The following LRP1B variants were observed in gnomAD, a reference collection of about 807,000 sequenced individuals.
The protein encoded by LRP1B is low-density lipoprotein receptor-related protein 1B.
A neutral mutation model predicts 556.6 loss-of-function variants in LRP1B; 217 were observed. The observed-to-expected ratio is 0.39, with a 90% confidence interval of 0.35 to 0.44. The LOEUF (loss-of-function observed/expected upper bound fraction) is 0.44, where lower values mean the gene tolerates loss of function less well. Ranked by LOEUF, LRP1B falls within the 20% of genes least tolerant of loss-of-function variation. LRP1B has a pLI of 1.00. For missense variants in LRP1B, 5,053 were observed against 5,620.8 expected (o/e 0.90, Z 3.23); for synonymous variants, 2,047 against 1,865.8 (o/e 1.10, Z -2.50).
At chr2:140,847,862 TAGTG>T (rs1692322785) in intron 29 of LRP1B, among the ~76,000 whole-genome samples, 1 of 152,158 alleles carries the variant, frequency 6.6e-6, no homozygotes, top group Admixed American at 6.6e-5. Context: ...TATTAATTAT[TAGTG>T]AGAAAACATT....
At position 140,444,431 on chromosome 2, in the gene LRP1B, G is replaced by A. The variant is rs746647382; in HGVS notation, c.10193C>T (p.Ser3398Leu). 1 of 1,613,936 alleles carries A rather than the reference G, an allele frequency of 6.2e-7. No individual in the cohort carries two copies. The highest frequency in any genetic ancestry group is 1.7e-5 in the Admixed American group (1 of 60,014). ...GTTCTTGGTACATTTGAATTGACCT[G>A]ACAGGCAGACATGTGTGTCTAGAAC... ...ELNCDTHVCLSGQFKCTKNQK... is the reference protein window; with the variant it reads ...ELNCDTHVCLLGQFKCTKNQK... Residue 3398 changes from serine (S) to leucine (L), a missense_variant, in exon 65 of 91, where the codon TCA becomes TTA. Coordinates refer to ENST00000389484, the MANE Select transcript of LRP1B (RefSeq NM_018557.3).
chr2:141,383,556 T>C (rs558868639), intron 3 of LRP1B, among the ~76,000 whole-genome samples: 1 of 152,172 alleles, frequency 6.6e-6, no homozygotes, highest in Non-Finnish European at 1.5e-5. Context: ...CCATTGTAAG[T>C]AGAAAATATT....
At chr2:141,011,096 A>AGAGAGAGAGAGAGAGG (rs1329677257) in intron 14 of LRP1B, among the ~76,000 whole-genome samples, 4 of 149,980 alleles carry the variant, frequency 2.7e-5, no homozygotes, top group Non-Finnish European at 4.4e-5. Flanking sequence ...AGAGAGAGAG[A>AGAGAGAGAGAGAGAGG]GACTGTATGG....
At chr2:141,871,612 G>A (rs1472096313) in intron 1 of LRP1B, among the ~76,000 whole-genome samples, 1 of 151,980 alleles carries the variant, frequency 6.6e-6, no homozygotes, top group African/African-American at 2.4e-5. Flanking sequence ...AACAATCCCT[G>A]TGTTTGGCAC....
At chr2:140,886,089 T>C (rs2105191711) in intron 24 of LRP1B, 49 bp downstream of exon 24, 1 of 1,202,402 alleles carries the variant, frequency 8.3e-7, no homozygotes, top group Non-Finnish European at 1.2e-6. Flanking sequence ...CTTTGAATTT[T>C]CACTTAAAAA....
At chr2:140,876,369 G>A (rs1260026960) in intron 25 of LRP1B, among the ~76,000 whole-genome samples, 2 of 152,098 alleles carry the variant, frequency 1.3e-5, no homozygotes, top group Non-Finnish European at 2.9e-5. Context: ...GAAACTATTT[G>A]TGAGTATTGT....
intron 2 of LRP1B, among the ~76,000 whole-genome samples, chr2:141,665,312 C>T (rs1221543131): frequency 6.6e-6 from 1 of 152,010 alleles, no homozygotes; most frequent in Non-Finnish European, 1.5e-5. Context: ...TACATGCAGC[C>T]AATAAACATG....
chr2:140,533,688 C>T (rs1027200256), intron 47 of LRP1B, among the ~76,000 whole-genome samples: 8 of 151,996 alleles, frequency 5.3e-5, no homozygotes, highest in Non-Finnish European at 1.2e-4. Flanking sequence ...ATGAGTAAAA[C>T]AGAGAACTAA....
intron 35 of LRP1B, among the ~76,000 whole-genome samples, chr2:140,719,673 A>AC (rs1191468434): frequency 6.6e-6 from 1 of 152,052 alleles, no homozygotes; most frequent in East Asian, 1.9e-4. Flanking sequence ...AGTTTGTAAT[A>AC]CTGAAGCTAT....
intron 18 of LRP1B, among the ~76,000 whole-genome samples, chr2:140,978,647 A>G (rs1460544654): frequency 1.3e-5 from 2 of 152,200 alleles, no homozygotes; most frequent in South Asian, 2.1e-4. Flanking sequence ...TCTCTTGCAG[A>G]GATCTGTGCC....
chr2:141,045,107 C>G (rs937579322), intron 11 of LRP1B, among the ~76,000 whole-genome samples: 1 of 146,570 alleles, frequency 6.8e-6, no homozygotes, highest in African/African-American at 2.5e-5. Flanking sequence ...ATGATGAGTT[C>G]ATGTCCTTTG....
chr2:140,829,410 A>G (rs570631436), intron 31 of LRP1B, among the ~76,000 whole-genome samples: 46 of 152,364 alleles, frequency 3.0e-4, no homozygotes, highest in African/African-American at 1.1e-3. Context: ...CAAATTCAAA[A>G]AAGTCAAAAT....
Position 142,086,990 on chromosome 2 carries a change from T to C in LRP1B, c.82+43658A>G, listed in dbSNP as rs533671851. 2.8e-4 allele frequency among the ~76,000 whole-genome samples: 43 copies of C among 152,330 alleles called. 1 individual carries two copies. Among genetic ancestry groups the C allele is most frequent in the South Asian group, 2.5e-3 (12 of 4,832 alleles). ...GCCTAATCTGATTAATTTGTCCTTC[T>C]GTGATTTTTCACATTGCAGGAGAGT... On this transcript the variant is annotated intron_variant, in intron 1 of 90. Transcript: ENST00000389484.
At chr2:140,800,756 T>C (rs891316639) in intron 32 of LRP1B, among the ~76,000 whole-genome samples, 1 of 152,176 alleles carries the variant, frequency 6.6e-6, no homozygotes, top group Admixed American at 6.5e-5. Flanking sequence ...TTATTTTCTA[T>C]GAAAACAGAC....
intron 41 of LRP1B, among the ~76,000 whole-genome samples, chr2:140,644,325 T>C (rs1684402406): frequency 6.6e-6 from 1 of 152,156 alleles, no homozygotes; most frequent in South Asian, 2.1e-4. Context: ...ATTAAAGCTA[T>C]TCTTATGGCT....
chr2:140,433,223 G>A (rs931454030), intron 66 of LRP1B, among the ~76,000 whole-genome samples: 7 of 151,938 alleles, frequency 4.6e-5, no homozygotes, highest in African/African-American at 1.7e-4. Context: ...TCAGTCTCCC[G>A]AATAGCTTGG....
At chr2:140,805,080 A>C (rs1320025538) in intron 32 of LRP1B, among the ~76,000 whole-genome samples, 1 of 152,166 alleles carries the variant, frequency 6.6e-6, no homozygotes, top group Admixed American at 6.5e-5. Flanking sequence ...TGTTGTGTGC[A>C]TAACCAGATC....
At chr2:141,536,488 G>A (rs769081872) in intron 2 of LRP1B, among the ~76,000 whole-genome samples, 16 of 152,034 alleles carry the variant, frequency 1.1e-4, no homozygotes, top group Non-Finnish European at 2.2e-4. Context: ...TAGGGAAGCA[G>A]AAGTAATGAG....
chr2:141,341,766 A>G (rs1688063554), intron 3 of LRP1B, among the ~76,000 whole-genome samples: 1 of 152,128 alleles, frequency 6.6e-6, no homozygotes, highest in Non-Finnish European at 1.5e-5. Flanking sequence ...TTCTACTGCC[A>G]TTTTTAAAAG....
Sources: gnomAD v4.1 joint callset for allele counts (sites outside exome capture counted in the v4.1 genomes callset) on GRCh38, gnomAD v4.1.1 for gene constraint, MANE v1.5 for transcripts, NCBI Gene and HGNC (gene_info 2026-07-23, HGNC 2026-07-21) for gene names.